ARID1B: variants seen among roughly 807,000 people sequenced by gnomAD.
ARID1B encodes the protein AT-rich interaction domain 1B.
A neutral mutation model predicts 212.3 loss-of-function variants in ARID1B; 30 were observed. That is an observed-to-expected ratio of 0.14 (90% CI 0.11 to 0.19). The LOEUF (loss-of-function observed/expected upper bound fraction) is 0.19, where lower values mean the gene tolerates loss of function less well. ARID1B is among the 10% of genes least tolerant of loss of function. The pLI is 1.00. For synonymous variants in ARID1B, 1,402 were observed against 1,301.7 expected (o/e 1.08, Z -1.66); for missense variants, 2,891 against 3,204.0 (o/e 0.90, Z 2.36).
chr6:156,803,413 C>T (rs939710413), intron 1 of ARID1B, among the ~76,000 whole-genome samples: 3 of 152,110 alleles, frequency 2.0e-5, no homozygotes, highest in Non-Finnish European at 4.4e-5. Context: ...ATTTTCCTTT[C>T]CTTTCCTTTC....
At chr6:156,787,068 A>G (rs1450160224) in intron 1 of ARID1B, among the ~76,000 whole-genome samples, 1 of 151,948 alleles carries the variant, frequency 6.6e-6, no homozygotes, top group Admixed American at 6.6e-5. Context: ...ATTTCTACCA[A>G]TCAGTTACTG....
At chr6:156,813,547 G>A (rs1781761825) in intron 1 of ARID1B, among the ~76,000 whole-genome samples, 1 of 152,226 alleles carries the variant, frequency 6.6e-6, no homozygotes, top group Non-Finnish European at 1.5e-5. Context: ...GTTACAGGAA[G>A]TAGTGAAGTT....
chr6:156,979,777 C>CT (rs1462176502), intron 4 of ARID1B, among the ~76,000 whole-genome samples: 1 of 152,210 alleles, frequency 6.6e-6, no homozygotes, highest in Non-Finnish European at 1.5e-5. Flanking sequence ...AGGATGATCT[C>CT]TATCTCTTGA....
intron 5 of ARID1B, 140 bp from the exon 6 acceptor site, chr6:157,110,332 C>A: frequency 1.5e-6 from 1 of 684,666 alleles, no homozygotes; most frequent in Non-Finnish European, 2.6e-6. Flanking sequence ...AACTATTACA[C>A]TCTGAGCTAT....
intron 1 of ARID1B, among the ~76,000 whole-genome samples, chr6:156,800,073 C>T (rs780300003): frequency 1.8e-4 from 27 of 152,124 alleles, no homozygotes; most frequent in Middle Eastern, 3.2e-3. Context: ...TGAACTGAAG[C>T]GTATTTCTTC....
At chr6:157,098,903 A>G (rs1211945277) in intron 5 of ARID1B, among the ~76,000 whole-genome samples, 1 of 152,234 alleles carries the variant, frequency 6.6e-6, no homozygotes, top group African/African-American at 2.4e-5. Context: ...CATCCAGACT[A>G]AAAATGTCTC....
chr6:157,039,876 CTTTTCTCTT>C (rs1214345835), intron 4 of ARID1B, among the ~76,000 whole-genome samples: 74 of 58,222 alleles, frequency 1.3e-3, no homozygotes, highest in Non-Finnish European at 1.9e-3. Flanking sequence ...CTTTCTCTTT[CTTTTCTCTT>C]CCTTCCTTCC....
intron 4 of ARID1B, among the ~76,000 whole-genome samples, chr6:157,021,468 G>A (rs1273032341): frequency 6.6e-6 from 1 of 152,230 alleles, no homozygotes; most frequent in Non-Finnish European, 1.5e-5. Flanking sequence ...TCTGCCGGCA[G>A]GCCCCGCTCG....
At chr6:156,850,954 G>T (rs989462253) in intron 2 of ARID1B, among the ~76,000 whole-genome samples, 2 of 152,200 alleles carry the variant, frequency 1.3e-5, no homozygotes, top group Non-Finnish European at 2.9e-5. Context: ...ACAAGTGGTT[G>T]TATGAAGGGA....
At chr6:157,011,801 A>G (rs1039605672) in intron 4 of ARID1B, among the ~76,000 whole-genome samples, 1 of 152,196 alleles carries the variant, frequency 6.6e-6, no homozygotes, top group Non-Finnish European at 1.5e-5. Flanking sequence ...CCTGTGTAGC[A>G]TTTTTCAAAA....
At chr6:156,917,606 G>A (rs1330134165) in intron 3 of ARID1B, among the ~76,000 whole-genome samples, 1 of 152,200 alleles carries the variant, frequency 6.6e-6, no homozygotes, top group East Asian at 1.9e-4. Context: ...TGAAAATAGA[G>A]GGGATGCCCA....
At chr6:156,985,684 A>AC (rs1288770960) in intron 4 of ARID1B, 2 of 152,236 alleles carry the variant, frequency 1.3e-5, no homozygotes, top group Non-Finnish European at 2.9e-5. Flanking sequence ...TAAAACTTTC[A>AC]CACATGTATT....
rs928913382 is a variant in ARID1B, at chr6:157,182,373, C to G, written c.3714+1195C>G. Among the ~76,000 whole-genome samples the G allele has an allele frequency of 7.9e-5, 12 of 152,334 alleles. No individual in the cohort carries two copies. In the East Asian group the frequency reaches 2.3e-3, roughly 29 times the overall value. On this transcript the variant is annotated intron_variant, in intron 12 of 19. Coordinates refer to ENST00000636930, the MANE Select transcript of ARID1B (RefSeq NM_001374828.1). ...ATACTCTTCCCATTTGCCACTGGTT[C>G]TGGAGTCCAGCTATGCATTAGAATG...
intron 15 of ARID1B, among the ~76,000 whole-genome samples, chr6:157,192,924 A>G (rs1472672574): frequency 1.3e-5 from 2 of 152,194 alleles, no homozygotes; most frequent in Non-Finnish European, 2.9e-5. Context: ...TTCAGTGGAA[A>G]ACATACTCTT....
intron 4 of ARID1B, among the ~76,000 whole-genome samples, chr6:156,960,950 A>G (rs1359829359): frequency 1.3e-5 from 2 of 152,244 alleles, no homozygotes; most frequent in Non-Finnish European, 2.9e-5. Flanking sequence ...AACAAAACCA[A>G]TGCAAAGTGG....
At chr6:157,017,563 A>T (rs548884911) in intron 4 of ARID1B, among the ~76,000 whole-genome samples, 1 of 152,228 alleles carries the variant, frequency 6.6e-6, no homozygotes, top group Non-Finnish European at 1.5e-5. Flanking sequence ...TTCTTTAGGA[A>T]TTCATCAGTA....
intron 4 of ARID1B, among the ~76,000 whole-genome samples, chr6:156,950,373 G>A (rs1177395416): frequency 6.6e-6 from 1 of 152,110 alleles, no homozygotes; most frequent in African/African-American, 2.4e-5. Flanking sequence ...GACCAAAGAT[G>A]GTGAATCAGG....
chr6:157,028,222 C>G lies in ARID1B; in HGVS notation c.2248-56440C>G, dbSNP rs1177586268. 3.3e-5 allele frequency among the ~76,000 whole-genome samples: 5 copies of G among 152,288 alleles called. 1 individual carries two copies. The South Asian group carries it at 1.0e-3, about 32-fold the overall frequency. On this transcript the variant is annotated intron_variant, in intron 4 of 19. Coordinates refer to ENST00000636930, the MANE Select transcript of ARID1B (RefSeq NM_001374828.1). ...TGTAAAGTTTATTAACTACCACTTACTTAGTGCTCATATGTTTTTTAACAG... is the reference window on the plus strand; with the variant it reads ...TGTAAAGTTTATTAACTACCACTTAGTTAGTGCTCATATGTTTTTTAACAG...
chr6:156,916,100 A>G (rs904159636), intron 3 of ARID1B, among the ~76,000 whole-genome samples: 2 of 152,106 alleles, frequency 1.3e-5, no homozygotes, highest in African/African-American at 4.8e-5. Flanking sequence ...CAGAATTTGG[A>G]ATTAGGATGG....
Sources: gnomAD v4.1 joint callset for allele counts (sites outside exome capture counted in the v4.1 genomes callset) on GRCh38, gnomAD v4.1.1 for gene constraint, MANE v1.5 for transcripts, NCBI Gene and HGNC (gene_info 2026-07-23, HGNC 2026-07-21) for gene names.